The following ELAPOR2 variants were observed in gnomAD, a reference collection of about 807,000 sequenced individuals.
The protein encoded by ELAPOR2 is endosome/lysosome-associated apoptosis and autophagy regulator family member 2.
In ELAPOR2, 89 loss-of-function variants were observed where a neutral mutation model predicts 120.7. The observed-to-expected ratio is 0.74, with a 90% CI of 0.62 to 0.88. ELAPOR2 has a LOEUF of 0.88. ELAPOR2 is among the 40% of genes least tolerant of loss of function. ELAPOR2 has a pLI of 0.00. For missense variants in ELAPOR2, 1,134 were observed against 1,251.6 expected (o/e 0.91, Z 1.42); for synonymous variants, 444 against 444.9 (o/e 1.00, Z 0.03).
At chr7:86,970,365 T>C (rs192873112) in intron 1 of ELAPOR2, among the ~76,000 whole-genome samples, 41 of 152,328 alleles carry the variant, frequency 2.7e-4, no homozygotes, top group African/African-American at 9.1e-4. Context: ...ATTTTGTTCA[T>C]GTAAAATTCC....
chr7:87,051,001 G>A lies in ELAPOR2; in HGVS notation c.189+8324C>T, dbSNP rs561938431. On this transcript the variant is annotated intron_variant, in intron 1 of 21. Coordinates refer to ENST00000450689, the MANE Select transcript of ELAPOR2 (RefSeq NM_001142749.3). ...ATGTCAGGAGTTCAGTTTGGTACCT[G>A]TCAGATTTAAGGTACTTATACAAGT... Among the ~76,000 whole-genome samples the A allele has an allele frequency of 5.9e-5, 9 of 152,334 alleles. 1 individual carries two copies. Among genetic ancestry groups the A allele is most frequent in the African/African-American group, 2.2e-4 (9 of 41,578 alleles).
At chr7:86,973,099 C>T (rs1792158764) in intron 1 of ELAPOR2, among the ~76,000 whole-genome samples, 1 of 152,036 alleles carries the variant, frequency 6.6e-6, no homozygotes. Context: ...GCCTAATGGG[C>T]CTCTTTGCTT....
intron 1 of ELAPOR2, among the ~76,000 whole-genome samples, chr7:86,999,130 T>C (rs1318186075): frequency 6.6e-6 from 1 of 151,722 alleles, no homozygotes; most frequent in Non-Finnish European, 1.5e-5. Flanking sequence ...AGTTACAAAT[T>C]ACCCAGTCAA....
At chr7:86,974,664 G>C (rs1792217374) in intron 1 of ELAPOR2, among the ~76,000 whole-genome samples, 1 of 149,906 alleles carries the variant, frequency 6.7e-6, no homozygotes, top group South Asian at 2.1e-4. Context: ...CCAAAAGATT[G>C]ACAGTAGTTA....
intron 1 of ELAPOR2, among the ~76,000 whole-genome samples, chr7:86,992,129 T>A (rs750724536): frequency 6.6e-6 from 1 of 152,188 alleles, no homozygotes; most frequent in Non-Finnish European, 1.5e-5. Context: ...GGAAGCTGAT[T>A]TTTTTATGGC....
chr7:87,052,515 G>A (rs752073202), intron 1 of ELAPOR2, among the ~76,000 whole-genome samples: 2 of 152,138 alleles, frequency 1.3e-5, no homozygotes, highest in South Asian at 2.1e-4. Context: ...TATACTGAGC[G>A]CAATGGTTCT....
chr7:86,960,533 G>C (rs962501581), intron 2 of ELAPOR2, among the ~76,000 whole-genome samples: 2 of 152,224 alleles, frequency 1.3e-5, no homozygotes, highest in East Asian at 1.9e-4. Flanking sequence ...TTACAGGTGT[G>C]AGCCACCACA....
intron 18 of ELAPOR2, among the ~76,000 whole-genome samples, chr7:86,901,631 T>C (rs1259080224): frequency 6.6e-6 from 1 of 152,238 alleles, no homozygotes; most frequent in Non-Finnish European, 1.5e-5. Flanking sequence ...CTGGATTTTG[T>C]CTGAGGAGAC....
chr7:86,918,323 CAAAAAAAAA>C (rs370415220), intron 12 of ELAPOR2, 110 bp downstream of exon 12: 146 of 173,884 alleles, frequency 8.4e-4, no homozygotes, highest in Admixed American at 1.1e-3. Context: ...CTAAGAATAG[CAAAAAAAAA>C]AAAAAAAAAA....
chr7:87,009,583 A>G (rs1793590173), intron 1 of ELAPOR2, among the ~76,000 whole-genome samples: 1 of 152,218 alleles, frequency 6.6e-6, no homozygotes, highest in African/African-American at 2.4e-5. Flanking sequence ...AGGTAGTGAA[A>G]TAATGGCTAT....
chr7:87,057,334 T>C (rs1795293399), intron 1 of ELAPOR2, among the ~76,000 whole-genome samples: 1 of 152,188 alleles, frequency 6.6e-6, no homozygotes, highest in Non-Finnish European at 1.5e-5. Context: ...CTCCACTGGT[T>C]AGACCAGATA....
chr7:87,030,617 G>A (rs546620988), intron 1 of ELAPOR2, among the ~76,000 whole-genome samples: 1 of 152,246 alleles, frequency 6.6e-6, no homozygotes, highest in East Asian at 1.9e-4. Context: ...TGTGTAAACA[G>A]ACTGTAATTT....
intron 1 of ELAPOR2, among the ~76,000 whole-genome samples, chr7:87,052,815 G>T (rs867843694): frequency 1.3e-5 from 1 of 75,754 alleles, no homozygotes; most frequent in African/African-American, 3.6e-5. Context: ...TGTTTTGTTT[G>T]AGACAGGGTC....
intron 1 of ELAPOR2, among the ~76,000 whole-genome samples, chr7:86,972,115 C>T (rs995543376): frequency 2.6e-5 from 4 of 152,064 alleles, no homozygotes; most frequent in African/African-American, 4.8e-5. Flanking sequence ...CCAAGATAAA[C>T]CATGGCCAGA....
intron 1 of ELAPOR2, among the ~76,000 whole-genome samples, chr7:87,012,568 C>T (rs900093381): frequency 6.6e-6 from 1 of 152,156 alleles, no homozygotes; most frequent in African/African-American, 2.4e-5. Flanking sequence ...ACAGGCATTA[C>T]ACAACAGATG....
At chr7:87,000,467 C>T (rs1264562603) in intron 1 of ELAPOR2, among the ~76,000 whole-genome samples, 1 of 152,162 alleles carries the variant, frequency 6.6e-6, no homozygotes, top group Non-Finnish European at 1.5e-5. Flanking sequence ...CTGGATTTAT[C>T]CTCTGGCCCA....
At chr7:86,885,551 A>G (rs1318129393) in intron 21 of ELAPOR2, among the ~76,000 whole-genome samples, 1 of 152,172 alleles carries the variant, frequency 6.6e-6, no homozygotes. Flanking sequence ...AAAGATAATT[A>G]GAAAGGGGAC....
At chr7:86,980,760 T>C (rs1462786789) in intron 1 of ELAPOR2, among the ~76,000 whole-genome samples, 1 of 152,104 alleles carries the variant, frequency 6.6e-6, no homozygotes, top group Non-Finnish European at 1.5e-5. Context: ...CTTAAACGTG[T>C]TCCTTTCATT....
intron 1 of ELAPOR2, among the ~76,000 whole-genome samples, chr7:86,980,303 A>G (rs1352214448): frequency 6.6e-6 from 1 of 152,246 alleles, no homozygotes; most frequent in Non-Finnish European, 1.5e-5. Context: ...GCCAAGTGCC[A>G]AAAATAGCAC....
Sources: gnomAD v4.1 joint callset for allele counts (sites outside exome capture counted in the v4.1 genomes callset) on GRCh38, gnomAD v4.1.1 for gene constraint, MANE v1.5 for transcripts, NCBI Gene and HGNC (gene_info 2026-07-23, HGNC 2026-07-21) for gene names.